The following PI15 variants were observed in gnomAD, a reference collection of about 807,000 sequenced individuals.
PI15 encodes the protein 25 kDa trypsin inhibitor.
PI15 carries 18 observed loss-of-function variants against 31.0 expected under a neutral mutation model. The ratio of observed to expected loss-of-function variants is 0.58; its 90% CI spans 0.40 to 0.86. The LOEUF is 0.86. PI15 is among the 40% of genes least tolerant of loss of function. The probability of loss-of-function intolerance (pLI) is 0.00; values close to 1 mark genes in which losing one functional copy is unlikely to be tolerated. For synonymous variants in PI15, 118 were observed against 119.1 expected (o/e 0.99, Z 0.06); for missense variants, 282 against 328.1 (o/e 0.86, Z 1.09).
intron 2 of PI15, among the ~76,000 whole-genome samples, chr8:74,834,516 C>T (rs1422612579): frequency 6.6e-6 from 1 of 152,182 alleles, no homozygotes; most frequent in Admixed American, 6.5e-5. Context: ...CAATCCTTCC[C>T]ATCCAGATGA....
Position 74,825,235 on chromosome 8 carries a change from T to C in PI15, c.-15T>C, listed in dbSNP as rs984301489. 3.1e-6 allele frequency: 5 copies of C among 1,610,982 alleles called. No individual in the cohort carries two copies. The African/African-American group carries it at 5.3e-5, about 17-fold the overall frequency. On this transcript the variant is annotated 5_prime_UTR_variant, in exon 2 of 6. Transcript: ENST00000260113. ...CAAAGTAAACTCGGTGGCCTCTTCT[T>C]CTCCACCCCTCAAAATGATAGCAAT... is the stretch of plus-strand genomic sequence containing the variant.
intron 5 of PI15, 91 bp downstream of exon 5, chr8:74,845,588 A>G: frequency 1.3e-6 from 1 of 780,818 alleles, no homozygotes; most frequent in Non-Finnish European, 2.3e-6. Context: ...TAAGTGAGTA[A>G]GGCTTAGCTA....
intron 5 of PI15, chr8:74,845,889 A>G (rs1586958735): frequency 6.2e-6 from 1 of 160,274 alleles, no homozygotes; most frequent in African/African-American, 2.4e-5. Context: ...TTTTAGCAAA[A>G]CATTGGAAGT....
In PI15 at chr8:74,849,850, C is replaced by G. The variant is rs924773448; in HGVS notation, c.*597C>G. On this transcript the variant is annotated 3_prime_UTR_variant, in exon 6 of 6. Coordinates refer to ENST00000260113, the MANE Select transcript of PI15 (RefSeq NM_015886.5). ...TCAATTAAGCAACCACGAATTTCAC[C>G]CTGGAGATATTTTTTCTTATTTGAG... The G allele has an allele frequency of 2.0e-5, 3 of 151,952 alleles. No individual in the cohort carries two copies. Among genetic ancestry groups the G allele is most frequent in the Non-Finnish European group, 4.4e-5 (3 of 67,972 alleles). 9.4% of individuals were successfully genotyped at this position (151,952 alleles called of 1,614,324 possible).
chr8:74,824,947 T>C (rs1201017685), intron 1 of PI15: 1 of 318,128 alleles, frequency 3.1e-6, no homozygotes, highest in Non-Finnish European at 5.8e-6. Flanking sequence ...TTGGGGCAAA[T>C]GGTTCACATT....
At chr8:74,827,713 A>G (rs1810720143) in intron 2 of PI15, among the ~76,000 whole-genome samples, 2 of 152,198 alleles carry the variant, frequency 1.3e-5, no homozygotes, top group Non-Finnish European at 2.9e-5. Flanking sequence ...AGGACCCCTG[A>G]AGATGTACAG....
chr8:74,843,096 G>A (rs1322508269), intron 2 of PI15, among the ~76,000 whole-genome samples: 1 of 151,998 alleles, frequency 6.6e-6, no homozygotes, highest in African/African-American at 2.4e-5. Context: ...ATTAATTTTG[G>A]TAAAATCAGT....
chr8:74,825,473 A>G lies in PI15; in HGVS notation c.224A>G (p.Asn75Ser). ...ATGATCGCCATTCTTGATTATCATA[A>G]TCAAGTTCGGGGCAAAGTGTTCCCA... ...NDMIAILDYH[N>S]QVRGKVFPPA... Residue 75 changes from asparagine (N) to serine (S), a missense_variant, in exon 2 of 6, where the codon AAT becomes AGT. Coordinates refer to ENST00000260113, the MANE Select transcript of PI15 (RefSeq NM_015886.5). 6.2e-7 allele frequency: 1 copy of G among 1,613,272 alleles called. No homozygotes were observed. The highest frequency in any genetic ancestry group is 1.1e-5 in the South Asian group (1 of 91,066).
At chr8:74,825,605 G>A (rs940710973) in intron 2 of PI15, 83 bp downstream of exon 2, 29 of 1,149,958 alleles carry the variant, frequency 2.5e-5, no homozygotes, top group Admixed American at 2.2e-5. Context: ...AAACGACCAC[G>A]AGTGTTTATA....
At chr8:74,832,014 T>C (rs3793403) in intron 2 of PI15, among the ~76,000 whole-genome samples, 27,273 of 151,968 alleles carry the variant, frequency 0.18, 3,081 homozygotes, top group East Asian at 0.59. Flanking sequence ...AGGGAAGTTA[T>C]ATAATCAACG....
chr8:74,838,311 C>T (rs1810898651), intron 2 of PI15, among the ~76,000 whole-genome samples: 1 of 151,896 alleles, frequency 6.6e-6, no homozygotes, highest in African/African-American at 2.4e-5. Flanking sequence ...GTAGGACTAA[C>T]ATGTTACTGT....
Position 74,827,809 on chromosome 8 carries a change from G to C in PI15, c.273+2287G>C, listed in dbSNP as rs561286405. Among the ~76,000 whole-genome samples the C allele has an allele frequency of 2.6e-5, 4 of 151,986 alleles. No homozygotes were observed. In the East Asian group the frequency reaches 5.8e-4, roughly 22 times the overall value. On this transcript the variant is annotated intron_variant, in intron 2 of 5. Coordinates refer to ENST00000260113, the MANE Select transcript of PI15 (RefSeq NM_015886.5). Reference sequence around the variant, plus strand: ...ATTATTCCATTCTTATTATTTTTTTGAATATCAGAACCACTATATATGATT... The same window carrying C: ...ATTATTCCATTCTTATTATTTTTTTCAATATCAGAACCACTATATATGATT...
At chr8:74,825,627 A>G in intron 2 of PI15, 105 bp downstream of exon 2, 2 of 893,482 alleles carry the variant, frequency 2.2e-6, no homozygotes, top group Admixed American at 5.5e-5. Flanking sequence ...GTCCGGGTAT[A>G]TGGACTTTTT....
At chr8:74,837,153 A>T (rs1396796145) in intron 2 of PI15, among the ~76,000 whole-genome samples, 1 of 152,106 alleles carries the variant, frequency 6.6e-6, no homozygotes, top group African/African-American at 2.4e-5. Flanking sequence ...ACATTACAAA[A>T]ATCCTTTGGA....
chr8:74,827,183 C>G (rs1810712199), intron 2 of PI15, among the ~76,000 whole-genome samples: 1 of 152,090 alleles, frequency 6.6e-6, no homozygotes, highest in Non-Finnish European at 1.5e-5. Context: ...CCTAACTCTG[C>G]TGCTTACTTT....
intron 3 of PI15, among the ~76,000 whole-genome samples, chr8:74,844,604 T>C (rs1277009853): frequency 2.0e-5 from 3 of 152,206 alleles, no homozygotes; most frequent in Non-Finnish European, 4.4e-5. Flanking sequence ...TGGGAAAAGC[T>C]ATTCCCATTT....
chr8:74,827,591 G>C (rs1318687323), intron 2 of PI15, among the ~76,000 whole-genome samples: 4 of 152,140 alleles, frequency 2.6e-5, no homozygotes, highest in Non-Finnish European at 5.9e-5. Flanking sequence ...AAAGTGGTAA[G>C]GATAATGAAT....
chr8:74,832,647 C>T lies in PI15; in HGVS notation c.273+7125C>T, dbSNP rs74473868. Among the ~76,000 whole-genome samples the T allele has an allele frequency of 5.3e-3, 801 of 151,952 alleles. 9 individuals are homozygous for T. Among genetic ancestry groups the T allele is most frequent in the African/African-American group, 0.018 (745 of 41,410 alleles). ...TCTGAAGAATAGTATGAAGTGGGCA[C>T]AGAAGATATAAACTAACAGTTTAAA... On this transcript the variant is annotated intron_variant, in intron 2 of 5. Transcript: ENST00000260113.
At chr8:74,839,459 CTGATT>C (rs1241131137) in intron 2 of PI15, among the ~76,000 whole-genome samples, 1 of 152,098 alleles carries the variant, frequency 6.6e-6, no homozygotes, top group African/African-American at 2.4e-5. Flanking sequence ...TAAACTGTAT[CTGATT>C]TATCTAATTT....
Sources: gnomAD v4.1 joint callset for allele counts (sites outside exome capture counted in the v4.1 genomes callset) on GRCh38, gnomAD v4.1.1 for gene constraint, MANE v1.5 for transcripts, NCBI Gene and HGNC (gene_info 2026-07-23, HGNC 2026-07-21) for gene names.